TAFA2: variants seen among roughly 807,000 people sequenced by gnomAD.
The protein encoded by TAFA2 is TAFA chemokine like family member 2, also known as chemokine-like protein TAFA-2.
In TAFA2, 7 loss-of-function variants were observed where a neutral mutation model predicts 18.8. The observed-to-expected ratio is 0.37, with a 90% CI of 0.21 to 0.70. The LOEUF (loss-of-function observed/expected upper bound fraction) is 0.70. Among genes scored for constraint, TAFA2 ranks in the 30% least tolerant of loss-of-function variants. The pLI is 0.53. For synonymous variants in TAFA2, 60 were observed against 54.2 expected, an observed-to-expected ratio of 1.11 and a Z score of -0.47; for missense variants, 122 against 158.1, an observed-to-expected ratio of 0.77 and a Z score of 1.23.
At chr12:62,112,746 G>T (rs978100876) in intron 1 of TAFA2, among the ~76,000 whole-genome samples, 2 of 151,474 alleles carry the variant, frequency 1.3e-5, no homozygotes, top group African/African-American at 4.9e-5. Context: ...CTTCAATCTC[G>T]TATCTTTTCT....
At chr12:62,237,378 T>C (rs1177861592) in intron 1 of TAFA2, among the ~76,000 whole-genome samples, 1 of 152,234 alleles carries the variant, frequency 6.6e-6, no homozygotes, top group Non-Finnish European at 1.5e-5. Context: ...CAGATTTCTG[T>C]TTGACTTTTT....
At chr12:61,786,990 C>T (rs757735281) in intron 2 of TAFA2, among the ~76,000 whole-genome samples, 2 of 151,232 alleles carry the variant, frequency 1.3e-5, no homozygotes, top group African/African-American at 2.4e-5. Flanking sequence ...AAACAAATAG[C>T]GAGATTAGTG....
At chr12:62,044,195 TCTC>T (rs886650624) in intron 1 of TAFA2, among the ~76,000 whole-genome samples, 44 of 151,968 alleles carry the variant, frequency 2.9e-4, no homozygotes, top group African/African-American at 1.0e-3. Context: ...GATTCCAAAA[TCTC>T]CTCTACTCCT....
chr12:61,788,892 G>A (rs1198441880), intron 2 of TAFA2, among the ~76,000 whole-genome samples: 1 of 151,676 alleles, frequency 6.6e-6, no homozygotes, highest in Non-Finnish European at 1.5e-5. Flanking sequence ...GAATCTATCA[G>A]TACTAAAAGT....
chr12:61,967,803 A>G (rs908326094), intron 1 of TAFA2, among the ~76,000 whole-genome samples: 1 of 151,862 alleles, frequency 6.6e-6, no homozygotes. Context: ...CATAAAATGA[A>G]TGGGGAAAAA....
chr12:62,191,208 C>G (rs1042807270), intron 1 of TAFA2, 51 bp downstream of exon 1: 1 of 152,084 alleles, frequency 6.6e-6, no homozygotes, highest in African/African-American at 2.4e-5. Context: ...CTGCAGTTGC[C>G]GCTCCGGTCC....
chr12:62,054,332 T>C (rs116673298), intron 1 of TAFA2, among the ~76,000 whole-genome samples: 38 of 152,324 alleles, frequency 2.5e-4, no homozygotes, highest in African/African-American at 8.9e-4. Context: ...ACCATTAATG[T>C]CCTAGATTCA....
At chr12:62,138,797 C>T (rs2062217834) in intron 1 of TAFA2, among the ~76,000 whole-genome samples, 1 of 152,156 alleles carries the variant, frequency 6.6e-6, no homozygotes, top group East Asian at 1.9e-4. Context: ...CAGTGCACCA[C>T]TTAAGACATC....
chr12:61,947,475 A>G (rs1878316387), intron 1 of TAFA2, among the ~76,000 whole-genome samples: 1 of 152,020 alleles, frequency 6.6e-6, no homozygotes, highest in African/African-American at 2.4e-5. Context: ...ATAAATAAAT[A>G]AATAAATAAA....
intron 4 of TAFA2, among the ~76,000 whole-genome samples, chr12:61,742,775 A>G (rs1027002589): frequency 2.0e-5 from 3 of 152,118 alleles, no homozygotes; most frequent in Non-Finnish European, 2.9e-5. Flanking sequence ...GAAATATGTA[A>G]GAAGTATGTG....
Position 61,739,980 on chromosome 12 carries a change from C to G in TAFA2, c.384+13642G>C, listed in dbSNP as rs190373082. ...ACCAAATCAACTCTCCTCACAATTA[C>G]TCAAACAGCCTTTTCAAATATAGAG... is the stretch of plus-strand genomic sequence containing the variant. On this transcript the variant is annotated intron_variant, in intron 4 of 4. Coordinates refer to ENST00000416284, the MANE Select transcript of TAFA2 (RefSeq NM_178539.5). 7.9e-5 allele frequency among the ~76,000 whole-genome samples: 12 copies of G among 152,214 alleles called. No individual in the cohort carries two copies. The East Asian group carries it at 2.3e-3, about 29-fold the overall frequency.
intron 1 of TAFA2, among the ~76,000 whole-genome samples, chr12:61,874,421 G>A (rs1874754623): frequency 6.6e-6 from 1 of 152,116 alleles, no homozygotes; most frequent in Non-Finnish European, 1.5e-5. Context: ...ATTTACCCAA[G>A]AAAGCTGCAT....
chr12:62,162,378 T>C (rs2062412499), intron 1 of TAFA2, among the ~76,000 whole-genome samples: 1 of 152,218 alleles, frequency 6.6e-6, no homozygotes, highest in South Asian at 2.1e-4. Flanking sequence ...TGCTGTCAAG[T>C]CCTCTTACTG....
chr12:62,220,229 A>G (rs995073860), intron 1 of TAFA2, among the ~76,000 whole-genome samples: 1 of 152,258 alleles, frequency 6.6e-6, no homozygotes, highest in Non-Finnish European at 1.5e-5. Context: ...CATTACTTTT[A>G]AAAAATTACA....
intron 1 of TAFA2, among the ~76,000 whole-genome samples, chr12:62,083,901 TC>T (rs1041324486): frequency 3.3e-5 from 5 of 152,164 alleles, no homozygotes; most frequent in African/African-American, 9.6e-5. Flanking sequence ...TTTGAATTCT[TC>T]CCACACTGCT....
chr12:61,848,497 T>C (rs1366996943), intron 2 of TAFA2, among the ~76,000 whole-genome samples: 1 of 152,214 alleles, frequency 6.6e-6, no homozygotes, highest in Non-Finnish European at 1.5e-5. Context: ...GTAATTATGG[T>C]ACATTATTAT....
intron 1 of TAFA2, among the ~76,000 whole-genome samples, chr12:61,962,309 G>T (rs188375081): frequency 6.6e-6 from 1 of 152,032 alleles, no homozygotes; most frequent in African/African-American, 2.4e-5. Flanking sequence ...ATACATTAAA[G>T]GCTGGTTCCC....
At chr12:61,734,892 T>C (rs1051564972) in intron 4 of TAFA2, among the ~76,000 whole-genome samples, 2 of 152,050 alleles carry the variant, frequency 1.3e-5, no homozygotes, top group Non-Finnish European at 2.9e-5. Context: ...CAAATACCAG[T>C]ATACTCACTA....
intron 1 of TAFA2, among the ~76,000 whole-genome samples, chr12:62,035,363 A>C (rs1286105072): frequency 6.6e-6 from 1 of 152,210 alleles, no homozygotes; most frequent in South Asian, 2.1e-4. Flanking sequence ...AGAATTGTTA[A>C]TAATGTCCAA....
Sources: allele counts gnomAD v4.1 joint callset (sites outside exome capture counted in the v4.1 genomes callset), GRCh38; gene constraint gnomAD v4.1.1; transcripts MANE v1.5; gene names NCBI Gene and HGNC (gene_info 2026-07-23, HGNC 2026-07-21).